SDK2: variants seen among roughly 807,000 people sequenced by gnomAD.
SDK2 encodes the protein sidekick cell adhesion molecule 2.
A neutral mutation model predicts 253.9 loss-of-function variants in SDK2; 105 were observed. The ratio of observed to expected loss-of-function variants is 0.41; its 90% CI spans 0.35 to 0.49. The LOEUF (loss-of-function observed/expected upper bound fraction) is 0.49. Ranked by LOEUF, SDK2 falls within the 20% of genes least tolerant of loss-of-function variation. The pLI is 0.06. For missense variants in SDK2, 2,608 were observed against 3,003.0 expected (o/e 0.87, Z 3.07); for synonymous variants, 1,249 against 1,234.9 (o/e 1.01, Z -0.24).
chr17:73,599,983 C>T (rs1461406067), intron 1 of SDK2, among the ~76,000 whole-genome samples: 2 of 152,260 alleles, frequency 1.3e-5, no homozygotes, highest in Admixed American at 6.5e-5. Flanking sequence ...ATACGCTAGA[C>T]GTCCATTTAA....
At position 73,398,174 on chromosome 17, in the gene SDK2, C is replaced by A. The variant is rs747725916; in HGVS notation, c.3215G>T (p.Arg1072Leu). 6.2e-7 allele frequency: 1 copy of A among 1,612,106 alleles called. No individual in the cohort carries two copies. The highest frequency in any genetic ancestry group is 8.5e-7 in the Non-Finnish European group (1 of 1,179,030). Residue 1072 changes from arginine (R) to leucine (L), a missense_variant, in exon 24 of 45, where the codon CGC becomes CTC. Arg to Leu is a moderately radical substitution (Grantham distance 102, BLOSUM62 -2). Around this residue, in one of 2 missense-constraint regions of SDK2, gnomAD observed 1,505 missense variants for 1,859.1 expected, o/e 0.81. Transcript: ENST00000392650. Reference sequence around the variant, plus strand: ...GCTGGTGCCCACGATGTTCACCTGGCGCATGCGGAAGCTGGGGTTGGGGAG... The same window carrying A: ...GCTGGTGCCCACGATGTTCACCTGGAGCATGCGGAAGCTGGGGTTGGGGAG... ...NPFTCYSFRMRQVNIVGTSPP... is the reference protein window; with the variant it reads ...NPFTCYSFRMLQVNIVGTSPP...
At chr17:73,412,459 T>C (rs921464972) in intron 18 of SDK2, among the ~76,000 whole-genome samples, 2 of 151,986 alleles carry the variant, frequency 1.3e-5, no homozygotes, top group African/African-American at 2.4e-5. Context: ...TTACTATTAT[T>C]ATCTGTTATG....
At position 73,334,734 on chromosome 17, in the gene SDK2, C is replaced by T. The variant is rs2062365376; in HGVS notation, c.*3853G>A. The T allele has an allele frequency of 6.6e-6, 1 of 152,158 alleles. No individual in the cohort carries two copies. Among genetic ancestry groups the T allele is most frequent in the African/African-American group, 2.4e-5 (1 of 41,404 alleles). The allele number at this position is 152,158 out of a possible 1,614,324, so 9.4% of individuals were successfully genotyped here. On this transcript the variant is annotated 3_prime_UTR_variant, in exon 45 of 45. Coordinates refer to ENST00000392650, the MANE Select transcript of SDK2 (RefSeq NM_001144952.2). ...GTGGTCCCGAGGGGGCACCTGTGCTCAGGTGGTGGTCAGGATTGCCATGTG... is the reference window on the plus strand; with the variant it reads ...GTGGTCCCGAGGGGGCACCTGTGCTTAGGTGGTGGTCAGGATTGCCATGTG...
intron 12 of SDK2, among the ~76,000 whole-genome samples, chr17:73,429,275 T>G (rs2063307623): frequency 6.6e-6 from 1 of 152,218 alleles, no homozygotes; most frequent in Non-Finnish European, 1.5e-5. Context: ...ATGTTAATTT[T>G]TTAAGAAAAA....
At chr17:73,625,088 G>A (rs1289954128) in intron 1 of SDK2, among the ~76,000 whole-genome samples, 1 of 152,150 alleles carries the variant, frequency 6.6e-6, no homozygotes, top group African/African-American at 2.4e-5. Flanking sequence ...AAGCAGCAGG[G>A]CCAGGATTCC....
chr17:73,379,343 G>GA lies in SDK2; in HGVS notation c.4865-52dup. ...GAGCATGCGAGTAAACCTGGGAGGG[G>GA]AGGTGGGCTGGGCGGGATGGGGAGC... On this transcript the variant is annotated intron_variant, in intron 35 of 44. Coordinates refer to ENST00000392650, the MANE Select transcript of SDK2 (RefSeq NM_001144952.2). The surrounding 1 kb of genome is among the most constrained non-coding windows in gnomAD (Gnocchi z 4.5). 1 of 1,319,590 alleles carries GA rather than the reference G, an allele frequency of 7.6e-7. No individual in the cohort carries two copies. Among genetic ancestry groups the GA allele is most frequent in the Non-Finnish European group, 1.1e-6 (1 of 935,232 alleles). The allele number at this position is 1,319,590 out of a possible 1,614,324, so 81.7% of individuals were successfully genotyped here. A position where few individuals can be genotyped will look rare whatever the true frequency, so the allele number is the denominator to read the frequency against.
chr17:73,552,140 TG>T (rs1375915502), intron 1 of SDK2, among the ~76,000 whole-genome samples: 1 of 152,034 alleles, frequency 6.6e-6, no homozygotes, highest in East Asian at 1.9e-4. Flanking sequence ...CATAAAATAT[TG>T]TCGGAGAGCC....
At chr17:73,420,368 T>G (rs895211243) in intron 15 of SDK2, among the ~76,000 whole-genome samples, 1 of 152,232 alleles carries the variant, frequency 6.6e-6, no homozygotes, top group Non-Finnish European at 1.5e-5. Flanking sequence ...GTTTTGCTCT[T>G]TCGCCCAGGC....
intron 18 of SDK2, among the ~76,000 whole-genome samples, chr17:73,408,322 T>A (rs8073252): frequency 0.95 from 139,932 of 147,426 alleles, 66,545 homozygotes; most frequent in Non-Finnish European, 0.99. Flanking sequence ...GGTTCACGCC[T>A]TTCTCCTGCC....
chr17:73,594,842 ACACACATG>A (rs1230219807), intron 1 of SDK2, among the ~76,000 whole-genome samples: 1 of 152,064 alleles, frequency 6.6e-6, no homozygotes, highest in East Asian at 1.9e-4. Flanking sequence ...CACACATAGC[ACACACATG>A]CACACATGCA....
intron 1 of SDK2, among the ~76,000 whole-genome samples, chr17:73,625,779 G>C (rs2046193213): frequency 6.6e-6 from 1 of 152,018 alleles, no homozygotes. Context: ...CGAGTAGCTG[G>C]GATTACAGGT....
rs538347384 is a variant in SDK2, at chr17:73,632,982, A to C, written c.64+11043T>G. Among the ~76,000 whole-genome samples, 5 of 152,310 alleles carry C rather than the reference A, an allele frequency of 3.3e-5. No individual in the cohort carries two copies. The East Asian group carries it at 9.7e-4, about 29-fold the overall frequency. On this transcript the variant is annotated intron_variant, in intron 1 of 44. Coordinates refer to ENST00000392650, the MANE Select transcript of SDK2 (RefSeq NM_001144952.2). The stretch of plus-strand genomic sequence containing the variant: ...CATGGAGTAGAATGCACATATTCAC[A>C]CATTTTAAAACTAAAATAGGCTGGG...
At chr17:73,599,246 A>G (rs1488177637) in intron 1 of SDK2, among the ~76,000 whole-genome samples, 1 of 152,122 alleles carries the variant, frequency 6.6e-6, no homozygotes, top group Non-Finnish European at 1.5e-5. Context: ...GAAAGGAGAG[A>G]AGGTGCTGGG....
At chr17:73,351,401 T>A (rs1002149930) in intron 41 of SDK2, among the ~76,000 whole-genome samples, 1 of 152,162 alleles carries the variant, frequency 6.6e-6, no homozygotes, top group Non-Finnish European at 1.5e-5. Context: ...TGAGCCACCG[T>A]TCCCGGCCCC....
intron 3 of SDK2, among the ~76,000 whole-genome samples, chr17:73,458,400 C>T (rs1343636928): frequency 6.6e-6 from 1 of 152,256 alleles, no homozygotes. Flanking sequence ...AAAGGCCCGT[C>T]TGGCTCTCTG....
Position 73,374,619 on chromosome 17 carries a change from T to C in SDK2, c.4980+4558A>G, listed in dbSNP as rs934996801. 1.2e-4 allele frequency among the ~76,000 whole-genome samples: 16 copies of C among 138,782 alleles called. 4 individuals carry two copies. Among genetic ancestry groups the C allele is most frequent in the African/African-American group, 4.2e-4 (14 of 32,980 alleles). The allele number at this position is 138,782 out of a possible 152,430, so 91.0% of individuals were successfully genotyped here. On this transcript the variant is annotated intron_variant, in intron 36 of 44. Transcript: ENST00000392650. Reference sequence around the variant, plus strand: ...AGTAGCTGGAATTACAAGCATGCGCTACCATACCCAGCTAATTTTTGTATT... The same window carrying C: ...AGTAGCTGGAATTACAAGCATGCGCCACCATACCCAGCTAATTTTTGTATT...
intron 1 of SDK2, among the ~76,000 whole-genome samples, chr17:73,537,348 T>C (rs912034457): frequency 5.3e-5 from 8 of 152,256 alleles, no homozygotes; most frequent in African/African-American, 1.9e-4. Flanking sequence ...GATTTCGCTT[T>C]GGGGCCTTCA....
intron 20 of SDK2, 141 bp downstream of exon 20, chr17:73,401,513 C>A: frequency 1.2e-6 from 1 of 800,580 alleles, no homozygotes; most frequent in Admixed American, 2.0e-5. Flanking sequence ...GTGCCAAGAG[C>A]CTCCTGTGAG....
At chr17:73,424,692 A>G (rs951820051) in intron 12 of SDK2, among the ~76,000 whole-genome samples, 6 of 152,240 alleles carry the variant, frequency 3.9e-5, no homozygotes, top group Admixed American at 3.9e-4. Context: ...ATCAACATAC[A>G]GGGAGTGCCA....
Sources: gnomAD v4.1 joint callset for allele counts (sites outside exome capture counted in the v4.1 genomes callset) on GRCh38, gnomAD v4.1.1 for gene constraint, gnomAD v4.1.1 regional missense constraint, Gnocchi (gnomAD v3.1) non-coding constraint, MANE v1.5 for transcripts, NCBI Gene and HGNC (gene_info 2026-07-23, HGNC 2026-07-21) for gene names.